Variants in HTR2C observed in about 807,000 individuals in gnomAD.
HTR2C encodes the protein 5-hydroxytryptamine (serotonin) receptor 2C, G protein-coupled.
Under a neutral mutation model 21.0 loss-of-function variants are expected in HTR2C, and 5 were observed. That is an observed-to-expected ratio of 0.24 (90% CI 0.12 to 0.50). HTR2C has a LOEUF of 0.50. Ranked by LOEUF, HTR2C falls within the 20% of genes least tolerant of loss-of-function variation. The pLI, the probability that HTR2C is intolerant of heterozygous loss-of-function variation, is 0.98. For missense variants in HTR2C, 271 were observed against 371.2 expected, an observed-to-expected ratio of 0.73 and a Z score of 2.22; for synonymous variants, 150 against 145.3, an observed-to-expected ratio of 1.03 and a Z score of -0.23.
intron 2 of HTR2C, among the ~76,000 whole-genome samples, chrX:114,674,227 A>G (rs782106459): frequency 8.9e-6 from 1 of 112,323 alleles, no homozygotes; most frequent in African/African-American, 3.2e-5. Context: ...TCTCCTGAGA[A>G]AATCTTTAGG....
intron 4 of HTR2C, among the ~76,000 whole-genome samples, chrX:114,835,555 A>G (rs1301042917): frequency 3.6e-5 from 4 of 110,645 alleles, no homozygotes; most frequent in Non-Finnish European, 7.6e-5. Context: ...TTTCAGTTCC[A>G]TCAGCTCCTT....
chrX:114,723,030 C>T (rs1230090504), intron 2 of HTR2C, among the ~76,000 whole-genome samples: 3 of 111,361 alleles, frequency 2.7e-5, no homozygotes, highest in African/African-American at 9.8e-5. Context: ...CTGGCCTCAT[C>T]AAATGAGTTA....
intron 5 of HTR2C, among the ~76,000 whole-genome samples, chrX:114,878,331 C>G (rs186207801): frequency 9.1e-6 from 1 of 110,009 alleles, no homozygotes; most frequent in Non-Finnish European, 1.9e-5. Flanking sequence ...ATATTGTATA[C>G]CCGTAGTATA....
rs1047977701 is a variant in HTR2C at position 114,666,764 on chromosome X, A to T, written c.-80+52883A>T. ...ATAGTCACTTTTAAGATGTTTTGAAAATTAAAAATATTTTAAATTCAATAA... is the reference window on the plus strand; with the variant it reads ...ATAGTCACTTTTAAGATGTTTTGAATATTAAAAATATTTTAAATTCAATAA... On this transcript the variant is annotated intron_variant, in intron 2 of 5. Coordinates refer to ENST00000276198, the MANE Select transcript of HTR2C (RefSeq NM_000868.4). Among the ~76,000 whole-genome samples the T allele has an allele frequency of 2.7e-5, 3 of 111,669 alleles. No individual in the cohort carries two copies. The Admixed American group carries it at 2.9e-4, about 11-fold the overall frequency.
At chrX:114,612,163 T>C (rs1556398862) in intron 1 of HTR2C, among the ~76,000 whole-genome samples, 1 of 111,959 alleles carries the variant, frequency 8.9e-6, no homozygotes, top group African/African-American at 3.2e-5. Context: ...TTATTGAATA[T>C]TTTATATTAT....
chrX:114,605,898 G>T (rs1010179868), intron 1 of HTR2C, among the ~76,000 whole-genome samples: 1 of 108,227 alleles, frequency 9.2e-6, no homozygotes, highest in Non-Finnish European at 1.9e-5. Context: ...TAAGAGGTTG[G>T]GGGGCAGAAA....
intron 4 of HTR2C, among the ~76,000 whole-genome samples, chrX:114,807,028 C>CA (rs1556450479): frequency 5.6e-5 from 2 of 35,563 alleles, no homozygotes; most frequent in Non-Finnish European, 1.3e-4. Context: ...ACCATATATA[C>CA]CATATACACC....
chrX:114,840,068 G>A (rs2070820475), intron 4 of HTR2C, among the ~76,000 whole-genome samples: 1 of 110,569 alleles, frequency 9.0e-6, no homozygotes, highest in African/African-American at 3.3e-5. Context: ...TCAACGACAT[G>A]GCATTCACAA....
At chrX:114,860,947 G>C (rs2071001762) in intron 5 of HTR2C, among the ~76,000 whole-genome samples, 1 of 111,305 alleles carries the variant, frequency 9.0e-6, no homozygotes, top group South Asian at 3.7e-4. Context: ...GTATACAACA[G>C]GATGTTATGA....
At chrX:114,605,968 C>T (rs1928401291) in intron 1 of HTR2C, among the ~76,000 whole-genome samples, 1 of 102,359 alleles carries the variant, frequency 9.8e-6, no homozygotes, top group African/African-American at 3.7e-5. Context: ...GACTGGGGCA[C>T]AGAGATACGA....
chrX:114,736,061 C>G lies in HTR2C; in HGVS notation c.349+4454C>G, dbSNP rs782238485. On this transcript the variant is annotated intron_variant, in intron 4 of 5. Coordinates refer to ENST00000276198, the MANE Select transcript of HTR2C (RefSeq NM_000868.4). ...CTGGGAGGCGGAGCTTGCAGTGAGC[C>G]GAGATCGCGCCACTGCACTCCAGCC... Among the ~76,000 whole-genome samples, 4 of 108,577 alleles carry G rather than the reference C, an allele frequency of 3.7e-5. No homozygotes were observed. The South Asian group carries it at 1.6e-3, about 44-fold the overall frequency. 94.3% of individuals were successfully genotyped at this position (108,577 alleles called of 115,157 possible).
chrX:114,609,413 G>A (rs781926972), intron 1 of HTR2C, among the ~76,000 whole-genome samples: 2 of 111,169 alleles, frequency 1.8e-5, no homozygotes, highest in Admixed American at 9.6e-5. Flanking sequence ...AATCGTTTTC[G>A]TTATCTGCAT....
At chrX:114,647,478 C>A (rs965288492) in intron 2 of HTR2C, among the ~76,000 whole-genome samples, 18 of 111,787 alleles carry the variant, frequency 1.6e-4, no homozygotes, top group African/African-American at 5.8e-4. Flanking sequence ...TTTTAATTTT[C>A]CTCAACTTCA....
intron 4 of HTR2C, among the ~76,000 whole-genome samples, chrX:114,752,752 C>T (rs967354548): frequency 6.3e-5 from 7 of 110,785 alleles, no homozygotes; most frequent in African/African-American, 2.3e-4. Context: ...ACCAGCCTAG[C>T]ACCCCTTCTT....
chrX:114,806,461 A>G (rs1217234216), intron 4 of HTR2C, among the ~76,000 whole-genome samples: 3 of 85,694 alleles, frequency 3.5e-5, no homozygotes, highest in Admixed American at 1.3e-4. Flanking sequence ...GTATATATAT[A>G]CACCATATAT....
chrX:114,701,116 C>G (rs1556416667), intron 2 of HTR2C, among the ~76,000 whole-genome samples: 1 of 112,282 alleles, frequency 8.9e-6, no homozygotes, highest in East Asian at 2.8e-4. Context: ...TCTGTAGGCT[C>G]CACCCCTGGG....
intron 2 of HTR2C, among the ~76,000 whole-genome samples, chrX:114,689,956 CATT>C (rs782458704): frequency 1.8e-5 from 2 of 111,258 alleles, no homozygotes; most frequent in Non-Finnish European, 1.9e-5. Context: ...TTTTTGAACT[CATT>C]ATTTATAAAA....
intron 1 of HTR2C, among the ~76,000 whole-genome samples, chrX:114,593,906 G>A (rs1927731576): frequency 8.9e-6 from 1 of 111,903 alleles, no homozygotes; most frequent in Non-Finnish European, 1.9e-5. Flanking sequence ...AGCTACTTAA[G>A]TAATTCTTAT....
chrX:114,845,052 A>G (rs191238453), intron 4 of HTR2C, among the ~76,000 whole-genome samples: 54 of 111,403 alleles, frequency 4.8e-4, no homozygotes, highest in African/African-American at 1.7e-3. Flanking sequence ...CCATCTAATA[A>G]CAACAATAAA....
Sources: gnomAD v4.1 joint callset for allele counts (sites outside exome capture counted in the v4.1 genomes callset) on GRCh38, gnomAD v4.1.1 for gene constraint, MANE v1.5 for transcripts, NCBI Gene and HGNC (gene_info 2026-07-23, HGNC 2026-07-21) for gene names.